The following LINGO1 variants were observed in gnomAD, a reference collection of about 807,000 sequenced individuals.
The protein encoded by LINGO1 is leucine-rich repeat and immunoglobulin-like domain-containing nogo receptor-interacting protein 1.
A neutral mutation model predicts 37.3 loss-of-function variants in LINGO1; 11 were observed. The ratio of observed to expected loss-of-function variants is 0.29; its 90% CI spans 0.19 to 0.49. LINGO1 has a LOEUF of 0.49. Among genes scored for constraint, LINGO1 ranks in the 20% least tolerant of loss-of-function variants. The pLI is 0.99. For missense variants in LINGO1, 585 were observed against 878.2 expected (o/e 0.67, Z 4.22); for synonymous variants, 387 against 403.0 (o/e 0.96, Z 0.48).
chr15:77,817,880 G>A (rs1414995166), intron 1 of LINGO1, among the ~76,000 whole-genome samples: 1 of 152,204 alleles, frequency 6.6e-6, no homozygotes, highest in Non-Finnish European at 1.5e-5. Flanking sequence ...TCACAAAGTG[G>A]CTGAGAGATT....
chr15:77,644,599 C>T (rs995554455), intron 3 of LINGO1, among the ~76,000 whole-genome samples: 1 of 152,194 alleles, frequency 6.6e-6, no homozygotes, highest in Admixed American at 6.5e-5. Context: ...CAGAATATGA[C>T]AGGAAATGGG....
At chr15:77,765,019 C>G (rs1217861698) in intron 1 of LINGO1, among the ~76,000 whole-genome samples, 2 of 152,254 alleles carry the variant, frequency 1.3e-5, no homozygotes, top group Non-Finnish European at 2.9e-5. Flanking sequence ...AGAATCTTTT[C>G]TGTGCATAAA....
At chr15:77,646,023 G>T (rs763664656) in intron 3 of LINGO1, among the ~76,000 whole-genome samples, 1 of 152,234 alleles carries the variant, frequency 6.6e-6, no homozygotes, top group Non-Finnish European at 1.5e-5. Context: ...AGCAGGGATG[G>T]TGTCTGCCTC....
chr15:77,740,473 C>T (rs2076251867), intron 1 of LINGO1, among the ~76,000 whole-genome samples: 1 of 152,198 alleles, frequency 6.6e-6, no homozygotes. Flanking sequence ...CACGCCTGTG[C>T]TCCTCCCCAC....
intron 3 of LINGO1, among the ~76,000 whole-genome samples, chr15:77,676,334 C>T (rs1416520535): frequency 6.6e-6 from 1 of 152,214 alleles, no homozygotes; most frequent in Non-Finnish European, 1.5e-5. Context: ...CCAGATTTGG[C>T]AAATAAAATT....
intron 1 of LINGO1, chr15:77,784,558 C>T (rs1359308156): frequency 6.6e-6 from 1 of 152,268 alleles, no homozygotes; most frequent in East Asian, 1.9e-4. Flanking sequence ...GGGTGCCCTC[C>T]CATACATCCT....
chr15:77,669,967 T>A (rs891947858), intron 3 of LINGO1, among the ~76,000 whole-genome samples: 1 of 152,110 alleles, frequency 6.6e-6, no homozygotes, highest in Admixed American at 6.5e-5. Context: ...AATGACTATA[T>A]AAACAAAATG....
chr15:77,636,477 G>A (rs927760129), upstream of LINGO1, among the ~76,000 whole-genome samples: 4 of 152,202 alleles, frequency 2.6e-5, no homozygotes, highest in Non-Finnish European at 4.4e-5. Flanking sequence ...GTGAGTGGGG[G>A]TTGGGCAGCT....
intron 2 of LINGO1, among the ~76,000 whole-genome samples, chr15:77,716,279 T>TC (rs1555533899): frequency 9.5e-6 from 1 of 105,764 alleles, no homozygotes; most frequent in Non-Finnish European, 2.1e-5. Flanking sequence ...TTCTTCTTCT[T>TC]CTTTTTTTTT....
chr15:77,718,919 T>G lies in LINGO1; in HGVS notation c.-195+16073A>C, dbSNP rs146054098. On this transcript the variant is annotated intron_variant, in intron 2 of 3. Coordinates refer to the LINGO1 transcript ENST00000561686. ...AGAAGAAGCTCCTAACCTTATTTCC[T>G]CATTTCTAGCAGCAAGAGAGGCTGG... is the stretch of plus-strand genomic sequence containing the variant. Among the ~76,000 whole-genome samples, 616 of 150,754 alleles carry G rather than the reference T, an allele frequency of 4.1e-3. 17 individuals are homozygous for G. The highest frequency in any genetic ancestry group is 0.014 in the African/African-American group (576 of 41,502).
At chr15:77,788,426 A>G (rs1448692845), upstream of LINGO1, 1 of 152,214 alleles carries the variant, frequency 6.6e-6, no homozygotes, top group African/African-American at 2.4e-5. Context: ...CTGAGACCCA[A>G]AGGCCTTAGG....
rs79240069 is a variant in LINGO1, at chr15:77,711,855, C to T, written c.-194-20954G>A. Among the ~76,000 whole-genome samples the T allele has an allele frequency of 5.4e-3, 809 of 149,454 alleles. 13 individuals are homozygous for T. The highest frequency in any genetic ancestry group is 0.019 in the African/African-American group (778 of 40,946). On this transcript the variant is annotated intron_variant, in intron 2 of 3. Transcript: ENST00000561686. ...CTTGTTCCTTCTGAAACGTGCTTACCCTCTCTAGGCCTCTGTTCTCTCCTC... is the reference window on the plus strand; with the variant it reads ...CTTGTTCCTTCTGAAACGTGCTTACTCTCTCTAGGCCTCTGTTCTCTCCTC...
intron 1 of LINGO1, among the ~76,000 whole-genome samples, chr15:77,619,816 G>A (rs1030865524): frequency 6.6e-6 from 1 of 152,256 alleles, no homozygotes; most frequent in Admixed American, 6.5e-5. Context: ...CCTGGCAGTT[G>A]GTCCCACAGA....
chr15:77,700,861 C>T (rs1279021810), upstream of LINGO1, among the ~76,000 whole-genome samples: 7 of 152,168 alleles, frequency 4.6e-5, no homozygotes, highest in Non-Finnish European at 7.4e-5. Context: ...GCCTGCTACC[C>T]GCAGCCTCTC....
upstream of LINGO1, among the ~76,000 whole-genome samples, chr15:77,698,671 A>G (rs1165546042): frequency 6.6e-6 from 1 of 152,152 alleles, no homozygotes; most frequent in Non-Finnish European, 1.5e-5. Context: ...GGGTGGAAGG[A>G]GGCACAGTCG....
At chr15:77,790,705 G>T (rs1374329526), upstream of LINGO1, among the ~76,000 whole-genome samples, 1 of 152,098 alleles carries the variant, frequency 6.6e-6, no homozygotes, top group Non-Finnish European at 1.5e-5. Context: ...CGCTGGGTTT[G>T]GGGGGGTGGA....
chr15:77,811,618 G>A (rs543003619), intron 1 of LINGO1, among the ~76,000 whole-genome samples: 81 of 152,246 alleles, frequency 5.3e-4, no homozygotes, highest in Admixed American at 9.2e-4. Context: ...CCCCTTCACT[G>A]CTATGTGACC....
intron 1 of LINGO1, among the ~76,000 whole-genome samples, chr15:77,775,142 C>A (rs2076624599): frequency 6.6e-6 from 1 of 152,182 alleles, no homozygotes; most frequent in African/African-American, 2.4e-5. Flanking sequence ...GGATAGGCCT[C>A]CAACCCGCCC....
chr15:77,668,749 T>C (rs1450800620), intron 3 of LINGO1, among the ~76,000 whole-genome samples: 1 of 146,776 alleles, frequency 6.8e-6, no homozygotes, highest in Non-Finnish European at 1.5e-5. Flanking sequence ...AACACACATA[T>C]ACACACACAC....
Sources: gnomAD v4.1 joint callset for allele counts (sites outside exome capture counted in the v4.1 genomes callset) on GRCh38, gnomAD v4.1.1 for gene constraint, MANE v1.5 for transcripts, NCBI Gene and HGNC (gene_info 2026-07-23, HGNC 2026-07-21) for gene names.